ALOXE3: variants seen among roughly 807,000 people sequenced by gnomAD.
The protein encoded by ALOXE3 is arachidonate epidermal lipoxygenase 3.
In ALOXE3, 78 loss-of-function variants were observed where a neutral mutation model predicts 87.5. That is an observed-to-expected ratio of 0.89 (90% CI 0.74 to 1.08). The LOEUF is 1.08. Among genes scored for constraint, ALOXE3 ranks in the 50% least tolerant of loss-of-function variants. ALOXE3 has a pLI of 0.00. For missense variants in ALOXE3, 946 were observed against 912.4 expected (o/e 1.04, Z -0.47); for synonymous variants, 363 against 370.8 (o/e 0.98, Z 0.24).
chr17:8,109,232 C>T lies in ALOXE3; in HGVS notation c.1504G>A (p.Ala502Thr), dbSNP rs754029651. ...TCTCGGTAGTGGTAGTTGGGGATAG[C>T]CAGGACGCCGCGGGCCCGCAGGCTG... ...PDSLRARGVL[A>T]IPNYHYRDDG... is the part of the protein sequence containing the mutation. The change falls in exon 12 of 16, where the codon GCT (alanine) becomes ACT (threonine). Residue 502 changes from alanine to threonine, a missense_variant. Coordinates refer to ENST00000448843, the MANE Select transcript of ALOXE3 (RefSeq NM_021628.3). The T allele has an allele frequency of 8.1e-6, 13 of 1,613,922 alleles. No homozygotes were observed. Among genetic ancestry groups the T allele is most frequent in the Non-Finnish European group, 1.0e-5 (12 of 1,180,054 alleles).
At chr17:8,103,205 C>T in intron 15 of ALOXE3, 118 bp downstream of exon 15, 1 of 1,194,692 alleles carries the variant, frequency 8.4e-7, no homozygotes, top group African/African-American at 1.5e-5. Flanking sequence ...GAACCCAAGG[C>T]AGTTCTGCAG....
chr17:8,107,016 G>C (rs1224090025), intron 13 of ALOXE3, among the ~76,000 whole-genome samples: 1 of 152,196 alleles, frequency 6.6e-6, no homozygotes, highest in Non-Finnish European at 1.5e-5. Context: ...TCAATCTGAA[G>C]AGTGTTCTGA....
chr17:8,118,821 C>T (rs57161379), upstream of ALOXE3: 3 of 1,536,738 alleles, frequency 2.0e-6, no homozygotes, highest in South Asian at 2.4e-5. Context: ...GGATCCTGGG[C>T]GGGAGCCCAG....
Position 8,096,818 on chromosome 17 carries a change from T to C in ALOXE3, c.1957-12A>G. ...GTGCCCAGGGGCCTCTGGGAGGACA[T>C]CAGGTAAGAGGTCAGGATGACATTC... On this transcript the variant is annotated splice_polypyrimidine_tract_variant and intron_variant, in intron 15 of 15. Coordinates refer to ENST00000448843, the MANE Select transcript of ALOXE3 (RefSeq NM_021628.3). 3 of 1,613,788 alleles carry C rather than the reference T, an allele frequency of 1.9e-6. No homozygotes were observed. Among genetic ancestry groups the C allele is most frequent in the Non-Finnish European group, 2.5e-6 (3 of 1,179,780 alleles).
chr17:8,117,814 G>A, intron 2 of ALOXE3, 30 bp downstream of exon 2: 1 of 1,605,022 alleles, frequency 6.2e-7, no homozygotes. Context: ...CCCCTCTGAG[G>A]TCGCGCTTCC....
chr17:8,115,170 G>T (rs749561472), intron 4 of ALOXE3, 113 bp from the exon 5 acceptor site: 1 of 1,406,630 alleles, frequency 7.1e-7, no homozygotes, highest in Non-Finnish European at 9.9e-7. Flanking sequence ...CTTTCTGGAT[G>T]AGTGACAAGG....
intron 6 of ALOXE3, among the ~76,000 whole-genome samples, chr17:8,112,409 T>G (rs576533323): frequency 2.0e-5 from 3 of 152,286 alleles, no homozygotes; most frequent in Admixed American, 1.3e-4. Flanking sequence ...GACAGGTCAT[T>G]GCACTTGCAC....
intron 15 of ALOXE3, among the ~76,000 whole-genome samples, chr17:8,102,443 A>T (rs1381087232): frequency 6.6e-6 from 1 of 151,990 alleles, no homozygotes; most frequent in African/African-American, 2.4e-5. Context: ...CAGTGAGCTG[A>T]TATCGCACCA....
intron 6 of ALOXE3, among the ~76,000 whole-genome samples, chr17:8,113,001 A>G (rs1198322654): frequency 6.6e-6 from 1 of 152,096 alleles, no homozygotes; most frequent in Non-Finnish European, 1.5e-5. Flanking sequence ...TATAATATGG[A>G]GAAGCATGCT....
At chr17:8,102,122 T>C (rs1198887661) in intron 15 of ALOXE3, among the ~76,000 whole-genome samples, 2 of 152,192 alleles carry the variant, frequency 1.3e-5, no homozygotes, top group African/African-American at 4.8e-5. Context: ...GCCTCCAAAG[T>C]TGCCCTTTGC....
chr17:8,096,542 A>C lies in ALOXE3; in HGVS notation c.*85T>G. On this transcript the variant is annotated 3_prime_UTR_variant, in exon 16 of 16. Transcript: ENST00000448843. ...AGGTTCAGGTGAACTGAGAACAGGGAGGATGGAAGGGTCTGGAGGACCTGA... is the reference window on the plus strand; with the variant it reads ...AGGTTCAGGTGAACTGAGAACAGGGCGGATGGAAGGGTCTGGAGGACCTGA... The C allele has an allele frequency of 2.5e-6, 2 of 784,480 alleles. No individual in the cohort carries two copies. Among genetic ancestry groups the C allele is most frequent in the South Asian group, 2.7e-5 (2 of 73,974 alleles). 48.6% of individuals were successfully genotyped at this position (784,480 alleles called of 1,614,324 possible). A position where few individuals can be genotyped will look rare whatever the true frequency, so the allele number is the denominator to read the frequency against.
chr17:8,115,940 C>A (rs919122535), intron 3 of ALOXE3, among the ~76,000 whole-genome samples: 1 of 152,252 alleles, frequency 6.6e-6, no homozygotes, highest in Non-Finnish European at 1.5e-5. Flanking sequence ...TCCCTGAGGG[C>A]AGAAGTCGTC....
At chr17:8,118,698 C>T, upstream of ALOXE3, 1 of 1,537,346 alleles carries the variant, frequency 6.5e-7, no homozygotes, top group Non-Finnish European at 8.7e-7. Context: ...CGCCCGACCT[C>T]ATTCTCTGCT....
chr17:8,109,207 T>C lies in ALOXE3; in HGVS notation c.1529A>G (p.Asp510Gly). The C allele has an allele frequency of 5.0e-6, 8 of 1,613,840 alleles. No individual in the cohort carries two copies. The highest frequency in any genetic ancestry group is 6.8e-6 in the Non-Finnish European group (8 of 1,180,030). The change falls in exon 12 of 16, where the codon GAC (aspartate) becomes GGC (glycine). Residue 510 changes from aspartate (D) to glycine (G), a missense_variant. Transcript: ENST00000448843. Reference sequence around the variant, plus strand: ...GGCCGCCCAGATCTTCAGGCCGTCGTCTCGGTAGTGGTAGTTGGGGATAGC... The same window carrying C: ...GGCCGCCCAGATCTTCAGGCCGTCGCCTCGGTAGTGGTAGTTGGGGATAGC... Reference protein sequence around the residue: ...VLAIPNYHYRDDGLKIWAAIE... With the variant: ...VLAIPNYHYRGDGLKIWAAIE...
chr17:8,096,519 G>C lies in ALOXE3; in HGVS notation c.*108C>G. The C allele has an allele frequency of 1.3e-6, 1 of 756,106 alleles. No individual in the cohort carries two copies. The highest frequency in any genetic ancestry group is 2.4e-6 in the Non-Finnish European group (1 of 408,730). The allele number at this position is 756,106 out of a possible 1,614,324, so 46.8% of individuals were successfully genotyped here. A position where few individuals can be genotyped will look rare whatever the true frequency, so the allele number is the denominator to read the frequency against. On this transcript the variant is annotated 3_prime_UTR_variant, in exon 16 of 16. Transcript: ENST00000448843. ...AAAGTCTCCATGTGCAGAAGAGAAG[G>C]TTCAGGTGAACTGAGAACAGGGAGG...
At chr17:8,113,061 C>T (rs1980239974) in intron 6 of ALOXE3, among the ~76,000 whole-genome samples, 1 of 152,118 alleles carries the variant, frequency 6.6e-6, no homozygotes. Context: ...TTAATCTTCA[C>T]CTCTGGTAGA....
Position 8,096,700 on chromosome 17 carries a change from T to C in ALOXE3, c.2063A>G (p.Glu688Gly). The C allele has an allele frequency of 6.2e-7, 1 of 1,603,604 alleles. No homozygotes were observed. The highest frequency in any genetic ancestry group is 8.5e-7 in the Non-Finnish European group (1 of 1,170,420). ...RLAQISRDIQ[E>G]RNQGLALPYT... is the part of the protein sequence containing the mutation. The stretch of plus-strand genomic sequence containing the variant: ...GGGCAGTGCCAGACCCTGGTTCCGC[T>C]CCTGGATGTCCCTTGAGATCTGGGC... Residue 688 changes from glutamate to glycine, a missense_variant, in exon 16 of 16, where the codon GAG becomes GGG. Coordinates refer to ENST00000448843, the MANE Select transcript of ALOXE3 (RefSeq NM_021628.3).
intron 13 of ALOXE3, among the ~76,000 whole-genome samples, chr17:8,107,299 C>CT (rs1022846852): frequency 1.2e-4 from 18 of 152,164 alleles, no homozygotes; most frequent in African/African-American, 4.3e-4. Flanking sequence ...GGCAGATCAC[C>CT]TGAGGTCAGG....
At position 8,116,690 on chromosome 17, in the gene ALOXE3, C is replaced by T. The variant is rs551611819; in HGVS notation, c.352+86G>A. ...AGAGTTTCTGACCTCAATCTTATTC[C>T]CTATACTCTGGGGCTCTGTGAGACC... is the stretch of plus-strand genomic sequence containing the variant. On this transcript the variant is annotated intron_variant, in intron 3 of 15. Coordinates refer to ENST00000448843, the MANE Select transcript of ALOXE3 (RefSeq NM_021628.3). 1,136 of 1,477,562 alleles carry T rather than the reference C, an allele frequency of 7.7e-4. 1 individual carries two copies. The highest frequency in any genetic ancestry group is 9.7e-4 in the Non-Finnish European group (1,027 of 1,060,722). 91.5% of individuals were successfully genotyped at this position (1,477,562 alleles called of 1,614,324 possible).
Sources: allele counts gnomAD v4.1 joint callset (sites outside exome capture counted in the v4.1 genomes callset), GRCh38; gene constraint gnomAD v4.1.1; transcripts MANE v1.5; gene names NCBI Gene and HGNC (gene_info 2026-07-23, HGNC 2026-07-21).